The following PCDH11X variants were observed in gnomAD, a reference collection of about 807,000 sequenced individuals.
The protein encoded by PCDH11X is protocadherin 11 X-linked, also known as protocadherin-11 X-linked.
In PCDH11X, 18 loss-of-function variants were observed where a neutral mutation model predicts 53.3. That is an observed-to-expected ratio of 0.34 (90% CI 0.23 to 0.50). The LOEUF is 0.50. PCDH11X is among the 20% of genes least tolerant of loss of function. PCDH11X has a pLI of 0.98. For synonymous variants in PCDH11X, 279 were observed against 393.3 expected (o/e 0.71, Z 3.44); for missense variants, 570 against 1,032.4 (o/e 0.55, Z 6.14).
intron 10 of PCDH11X, among the ~76,000 whole-genome samples, chrX:92,487,467 A>G (rs922169873): frequency 3.5e-4 from 39 of 111,099 alleles, no homozygotes; most frequent in Non-Finnish European, 6.4e-4. Flanking sequence ...AACATACCTG[A>G]ATCCTAAATT....
intron 9 of PCDH11X, among the ~76,000 whole-genome samples, chrX:92,435,289 T>C (rs1444877927): frequency 9.0e-6 from 1 of 110,958 alleles, no homozygotes; most frequent in Non-Finnish European, 1.9e-5. Context: ...TGGGCATATG[T>C]ACAGAGGCCA....
chrX:92,147,105 G>A (rs1236520074), intron 6 of PCDH11X, among the ~76,000 whole-genome samples: 2 of 107,609 alleles, frequency 1.9e-5, no homozygotes, highest in African/African-American at 7.4e-5. Context: ...AAATAGCTCA[G>A]TAGAGACATT....
intron 4 of PCDH11X, among the ~76,000 whole-genome samples, chrX:91,815,133 C>G (rs1209559842): frequency 9.0e-6 from 1 of 110,828 alleles, no homozygotes; most frequent in Admixed American, 9.6e-5. Context: ...AGTGGTGGAT[C>G]TTGGATTTAT....
intron 6 of PCDH11X, among the ~76,000 whole-genome samples, chrX:91,986,200 C>A (rs919582100): frequency 8.3e-5 from 9 of 108,270 alleles, no homozygotes; most frequent in African/African-American, 3.0e-4. Context: ...CTGGCAGTTT[C>A]AACTGCCAAT....
chrX:92,295,357 C>T (rs931919237), intron 8 of PCDH11X, among the ~76,000 whole-genome samples: 9 of 110,250 alleles, frequency 8.2e-5, no homozygotes, highest in African/African-American at 2.6e-4. Flanking sequence ...TGCAACCTTG[C>T]TGGACTCTCG....
At position 91,883,169 on chromosome X, in the gene PCDH11X, A is replaced by T. The variant is rs749490474; in HGVS notation, c.3033+3896A>T. The T allele has an allele frequency of 1.7e-4, 165 of 951,176 alleles. 9 individuals are homozygous for T. The African/African-American group carries it at 3.5e-3, about 20-fold the overall frequency. The allele number at this position is 951,176 out of a possible 1,213,427, so 78.4% of individuals were successfully genotyped here. A position where few individuals can be genotyped will look rare whatever the true frequency, so the allele number is the denominator to read the frequency against. ...TTTATGGAAGAGACAGTGCAGCACA[A>T]TAACAGAGTACTCTCATGCTGTTTC... On this transcript the variant is annotated intron_variant, in intron 6 of 10. Coordinates refer to ENST00000682573, the MANE Select transcript of PCDH11X (RefSeq NM_032968.5).
intron 10 of PCDH11X, among the ~76,000 whole-genome samples, chrX:92,519,068 G>T (rs1308405811): frequency 9.1e-6 from 1 of 110,497 alleles, no homozygotes; most frequent in African/African-American, 3.3e-5. Flanking sequence ...TTACTATACT[G>T]TTTGGCCTTG....
intron 1 of PCDH11X, among the ~76,000 whole-genome samples, chrX:91,802,409 C>T (rs1010350868): frequency 1.5e-4 from 17 of 111,897 alleles, no homozygotes; most frequent in African/African-American, 5.5e-4. Flanking sequence ...GTCTTGTCTG[C>T]TGTGCTTTTA....
intron 10 of PCDH11X, among the ~76,000 whole-genome samples, chrX:92,559,367 A>G (rs1181071387): frequency 1.8e-5 from 2 of 111,321 alleles, no homozygotes; most frequent in Non-Finnish European, 3.8e-5. Context: ...GAGCAAAGGA[A>G]GAGCAAGATT....
At chrX:92,521,462 A>G (rs764719171) in intron 10 of PCDH11X, among the ~76,000 whole-genome samples, 44 of 111,581 alleles carry the variant, frequency 3.9e-4, no homozygotes, top group African/African-American at 1.4e-3. Context: ...CCATGCTACG[A>G]AAATATGTGC....
At chrX:92,194,135 T>C (rs1362406494) in intron 6 of PCDH11X, among the ~76,000 whole-genome samples, 2 of 111,724 alleles carry the variant, frequency 1.8e-5, no homozygotes, top group Non-Finnish European at 3.8e-5. Flanking sequence ...TTTGTCTTTA[T>C]TTGGGTCTAG....
At chrX:92,337,419 A>G (rs1216364855) in intron 8 of PCDH11X, among the ~76,000 whole-genome samples, 1 of 108,673 alleles carries the variant, frequency 9.2e-6, no homozygotes, top group Non-Finnish European at 1.9e-5. Flanking sequence ...AAAGCACTAC[A>G]TTGTATCCAT....
intron 6 of PCDH11X, among the ~76,000 whole-genome samples, chrX:92,186,339 A>C (rs1363982377): frequency 3.6e-5 from 4 of 111,945 alleles, no homozygotes; most frequent in Non-Finnish European, 5.6e-5. Context: ...AGAGTAGAAT[A>C]GTGGTTTTAG....
At chrX:92,419,789 C>A (rs188706707) in intron 9 of PCDH11X, among the ~76,000 whole-genome samples, 1 of 102,894 alleles carries the variant, frequency 9.7e-6, no homozygotes, top group South Asian at 4.8e-4. Context: ...AAGCAATTCT[C>A]CTGCCTCAGC....
At chrX:92,549,731 A>G (rs1250558571) in intron 10 of PCDH11X, among the ~76,000 whole-genome samples, 1 of 109,906 alleles carries the variant, frequency 9.1e-6, no homozygotes, top group African/African-American at 3.3e-5. Flanking sequence ...AATAAATAAA[A>G]CAAAGTCATC....
At chrX:92,100,798 G>C (rs1278627551) in intron 6 of PCDH11X, among the ~76,000 whole-genome samples, 1 of 110,628 alleles carries the variant, frequency 9.0e-6, no homozygotes, top group Non-Finnish European at 1.9e-5. Flanking sequence ...TGTTTCTCAG[G>C]GCTGCTTCAA....
intron 6 of PCDH11X, among the ~76,000 whole-genome samples, chrX:92,017,565 C>T (rs891810563): frequency 5.7e-5 from 6 of 106,154 alleles, no homozygotes; most frequent in Middle Eastern, 4.7e-3. Flanking sequence ...ACTGCCGTAG[C>T]GCATGTTTGT....
At chrX:91,800,015 G>C (rs1935875599) in intron 1 of PCDH11X, among the ~76,000 whole-genome samples, 1 of 112,493 alleles carries the variant, frequency 8.9e-6, no homozygotes, top group African/African-American at 3.2e-5. Flanking sequence ...CTTGAACCCG[G>C]GAGGCGGAGG....
chrX:92,519,183 A>G (rs1364567086), intron 10 of PCDH11X, among the ~76,000 whole-genome samples: 3 of 109,977 alleles, frequency 2.7e-5, no homozygotes, highest in Non-Finnish European at 3.8e-5. Flanking sequence ...GCTTAATACA[A>G]TGTATTGGCA....
Sources: gnomAD v4.1 joint callset for allele counts (sites outside exome capture counted in the v4.1 genomes callset) on GRCh38, gnomAD v4.1.1 for gene constraint, MANE v1.5 for transcripts, NCBI Gene and HGNC (gene_info 2026-07-23, HGNC 2026-07-21) for gene names.